Variants in GART observed in about 807,000 individuals in gnomAD.
The protein encoded by GART is phosphoribosylglycinamide formyltransferase, phosphoribosylglycinamide synthetase, phosphoribosylaminoimidazole synthetase, also known as trifunctional purine biosynthetic protein adenosine-3.
A neutral mutation model predicts 107.2 loss-of-function variants in GART; 43 were observed. The observed-to-expected ratio is 0.40, with a 90% CI of 0.31 to 0.52. The LOEUF (loss-of-function observed/expected upper bound fraction) is 0.52. Among genes scored for constraint, GART ranks in the 20% least tolerant of loss-of-function variants. GART has a pLI of 0.52. For synonymous variants in GART, 434 were observed against 427.0 expected (o/e 1.02, Z -0.20); for missense variants, 1,107 against 1,206.5 (o/e 0.92, Z 1.22).
chr21:33,539,813 G>A (rs908570787), intron 1 of GART, among the ~76,000 whole-genome samples: 1 of 152,094 alleles, frequency 6.6e-6, no homozygotes, highest in African/African-American at 2.4e-5. Flanking sequence ...TGAGAAATAT[G>A]ACTGTCGTCA....
At chr21:33,542,189 T>C (rs1294279400), upstream of GART, 1 of 151,920 alleles carries the variant, frequency 6.6e-6, no homozygotes, top group East Asian at 1.9e-4. Flanking sequence ...CCCTGCCCCA[T>C]TGGTCCGCGC....
chr21:33,525,511 A>G (rs866530906), intron 10 of GART, among the ~76,000 whole-genome samples: 1 of 152,122 alleles, frequency 6.6e-6, no homozygotes, highest in South Asian at 2.1e-4. Context: ...GCTCACTGCA[A>G]CCTCTGCCTC....
chr21:33,539,386 T>G, intron 1 of GART, 30 bp from the exon 2 acceptor site: 1 of 1,532,974 alleles, frequency 6.5e-7, no homozygotes, highest in South Asian at 1.2e-5. Flanking sequence ...GTTTATATCT[T>G]AGGATGCACA....
intron 2 of GART, among the ~76,000 whole-genome samples, chr21:33,535,628 A>G (rs1365984807): frequency 6.6e-6 from 1 of 152,204 alleles, no homozygotes; most frequent in African/African-American, 2.4e-5. Context: ...ACTGTATATT[A>G]AACAAAAAAC....
chr21:33,523,315 G>C (rs1401763913), intron 11 of GART, among the ~76,000 whole-genome samples: 2 of 152,102 alleles, frequency 1.3e-5, no homozygotes. Flanking sequence ...AGCAGCTCTG[G>C]GTCACTCTCA....
intron 16 of GART, among the ~76,000 whole-genome samples, chr21:33,512,219 G>T (rs1203493531): frequency 6.8e-6 from 1 of 147,304 alleles, no homozygotes; most frequent in Non-Finnish European, 1.5e-5. Flanking sequence ...GGGAGGTGGA[G>T]GTTGCAGTGG....
At chr21:33,528,403 G>C in intron 9 of GART, 68 bp from the exon 10 acceptor site, 1 of 1,568,524 alleles carries the variant, frequency 6.4e-7, no homozygotes, top group South Asian at 1.1e-5. Flanking sequence ...TTATTCACTG[G>C]TGTACTAGCA....
At chr21:33,535,080 C>A in intron 3 of GART, 145 bp downstream of exon 3, 1 of 553,474 alleles carries the variant, frequency 1.8e-6, no homozygotes. Context: ...GAAAAAAAAT[C>A]TAGACTCCAT....
rs1163998746 is a variant in GART, at chr21:33,528,187, G to T, written c.1046C>A (p.Thr349Asn). 1 of 1,613,598 alleles carries T rather than the reference G, an allele frequency of 6.2e-7. No homozygotes were observed. Among genetic ancestry groups the T allele is most frequent in the African/African-American group, 1.3e-5 (1 of 74,850 alleles). ...MASKGYPGDY[T>N]KGVEITGFPE... Reference sequence around the variant, plus strand: ...CTCACCTGTTATCTCTACACCCTTGGTGTAGTCTCCAGGATAACCTTTACT... The same window carrying T: ...CTCACCTGTTATCTCTACACCCTTGTTGTAGTCTCCAGGATAACCTTTACT... The change falls in exon 10 of 22, where the codon ACC (threonine) becomes AAC (asparagine). Residue 349 changes from threonine (T) to asparagine (N), a missense_variant. Transcript: ENST00000381815.
Position 33,527,422 on chromosome 21 carries a change from T to C in GART, c.1066+745A>G, listed in dbSNP as rs540688440. ...TAATCCAGTTACTTGGGAGGCTGAG[T>C]CAGAAGAATCGCTTGAACCCAGGAG... On this transcript the variant is annotated intron_variant, in intron 10 of 21. Coordinates refer to ENST00000381815, the MANE Select transcript of GART (RefSeq NM_000819.5). 4.0e-4 allele frequency among the ~76,000 whole-genome samples: 60 copies of C among 151,806 alleles called. 1 individual carries two copies. The highest frequency in any genetic ancestry group is 1.4e-3 in the African/African-American group (56 of 41,382).
intron 4 of GART, among the ~76,000 whole-genome samples, chr21:33,534,183 A>AT (rs2085256752): frequency 6.6e-6 from 1 of 152,138 alleles, no homozygotes; most frequent in Non-Finnish European, 1.5e-5. Context: ...AAGACCTAGC[A>AT]TTACATTTTC....
intron 16 of GART, among the ~76,000 whole-genome samples, chr21:33,513,606 A>T (rs1465201251): frequency 6.6e-6 from 1 of 152,110 alleles, no homozygotes; most frequent in East Asian, 1.9e-4. Context: ...AATGAATCAC[A>T]TGTCTATGAC....
At chr21:33,518,895 GAA>G in intron 14 of GART, 1 of 526,614 alleles carries the variant, frequency 1.9e-6, no homozygotes, top group South Asian at 1.4e-5. Flanking sequence ...CTGTAATGGT[GAA>G]AGTGTTCACT....
rs540090885 is a variant in GART at position 33,510,113 on chromosome 21, T to C, written c.2315-193A>G. On this transcript the variant is annotated intron_variant, in intron 17 of 21. Coordinates refer to ENST00000381815, the MANE Select transcript of GART (RefSeq NM_000819.5). ...CATAAAAACTTCCAAAAGGTGAACA[T>C]ATGTAATTACTTCAACTAAAAGCTG... 4.3e-5 allele frequency: 24 copies of C among 558,802 alleles called. No homozygotes were observed. In the East Asian group the frequency reaches 6.5e-4, roughly 15 times the overall value. 34.6% of individuals were successfully genotyped at this position (558,802 alleles called of 1,614,324 possible).
chr21:33,525,014 T>C lies in GART; in HGVS notation c.1067-14A>G. ...CCTCAGGAAACCCTAGAAGAGAGCA[T>C]ATTTGACATATGATTTCAAATAGCA... On this transcript the variant is annotated splice_polypyrimidine_tract_variant and intron_variant, in intron 10 of 21. Transcript: ENST00000381815. 5 of 1,605,136 alleles carry C rather than the reference T, an allele frequency of 3.1e-6. No individual in the cohort carries two copies. The highest frequency in any genetic ancestry group is 1.3e-5 in the African/African-American group (1 of 74,532).
At chr21:33,536,757 G>A (rs992935963) in intron 2 of GART, among the ~76,000 whole-genome samples, 4 of 152,096 alleles carry the variant, frequency 2.6e-5, no homozygotes, top group Admixed American at 2.0e-4. Flanking sequence ...TAACCAACAG[G>A]GCTAGTAAGT....
At chr21:33,507,020 A>T (rs965226171) in intron 18 of GART, among the ~76,000 whole-genome samples, 2 of 152,202 alleles carry the variant, frequency 1.3e-5, no homozygotes, top group Non-Finnish European at 2.9e-5. Flanking sequence ...AAAATTAAAA[A>T]AAAGAGCTAC....
At chr21:33,535,341 A>C (rs748636252) in intron 2 of GART, 21 bp from the exon 3 acceptor site, 4 of 1,428,748 alleles carry the variant, frequency 2.8e-6, no homozygotes, top group South Asian at 2.8e-5. Context: ...AAAAAAAAAA[A>C]AAAAAACCAC....
chr21:33,510,024 T>C, intron 17 of GART, 104 bp from the exon 18 acceptor site: 3 of 1,043,564 alleles, frequency 2.9e-6, no homozygotes, highest in Non-Finnish European at 4.1e-6. Context: ...TGTTTTATCC[T>C]GAAAATAAGA....
Sources: allele counts gnomAD v4.1 joint callset (sites outside exome capture counted in the v4.1 genomes callset), GRCh38; gene constraint gnomAD v4.1.1; transcripts MANE v1.5; gene names NCBI Gene and HGNC (gene_info 2026-07-23, HGNC 2026-07-21).